Variants in LTBP1 observed in about 807,000 individuals in gnomAD.
The protein encoded by LTBP1 is latent-transforming growth factor beta-binding protein 1.
In LTBP1, 129 loss-of-function variants were observed where a neutral mutation model predicts 207.6. The ratio of observed to expected loss-of-function variants is 0.62; its 90% CI spans 0.54 to 0.72. The LOEUF (loss-of-function observed/expected upper bound fraction) is 0.72. Among genes scored for constraint, LTBP1 ranks in the 30% least tolerant of loss-of-function variants. The pLI, the probability that LTBP1 is intolerant of heterozygous loss-of-function variation, is 0.00. For synonymous variants in LTBP1, 963 were observed against 833.7 expected (o/e 1.16, Z -2.67); for missense variants, 2,281 against 2,217.2 (o/e 1.03, Z -0.58).
At chr2:33,258,301 G>A (rs577240336) in intron 12 of LTBP1, among the ~76,000 whole-genome samples, 17 of 152,318 alleles carry the variant, frequency 1.1e-4, no homozygotes, top group South Asian at 1.0e-3. Flanking sequence ...TGGAATAGAC[G>A]TATTTTCTCT....
At chr2:33,233,871 T>A (rs1478125672) in intron 9 of LTBP1, among the ~76,000 whole-genome samples, 1 of 152,104 alleles carries the variant, frequency 6.6e-6, no homozygotes, top group Non-Finnish European at 1.5e-5. Flanking sequence ...TTTATTTGTT[T>A]ATGTTAACTT....
At chr2:32,956,481 T>C (rs1006996756) in intron 2 of LTBP1, among the ~76,000 whole-genome samples, 3 of 152,198 alleles carry the variant, frequency 2.0e-5, no homozygotes, top group Admixed American at 6.5e-5. Flanking sequence ...CAGCTCCTCA[T>C]CTCTTCAAGT....
At chr2:33,375,628 C>T (rs1184054240) in intron 31 of LTBP1, among the ~76,000 whole-genome samples, 3 of 152,010 alleles carry the variant, frequency 2.0e-5, no homozygotes, top group Admixed American at 1.3e-4. Flanking sequence ...CCCAGGTTCA[C>T]GCCATTCTCC....
intron 4 of LTBP1, among the ~76,000 whole-genome samples, chr2:33,122,751 A>G (rs141212828): frequency 4.9e-4 from 75 of 152,252 alleles, no homozygotes; most frequent in African/African-American, 1.8e-3. Flanking sequence ...GTGGATTCTG[A>G]ACATCTTTTC....
At chr2:33,212,796 A>G (rs1217538672) in intron 7 of LTBP1, among the ~76,000 whole-genome samples, 1 of 152,240 alleles carries the variant, frequency 6.6e-6, no homozygotes, top group African/African-American at 2.4e-5. Context: ...GAGTACCAAC[A>G]TAACACTCCA....
chr2:33,039,242 G>T (rs933819849), intron 3 of LTBP1, among the ~76,000 whole-genome samples: 1 of 151,972 alleles, frequency 6.6e-6, no homozygotes, highest in African/African-American at 2.4e-5. Flanking sequence ...GTAATTTAGG[G>T]GTAGGAAAGG....
At chr2:33,365,024 G>C (rs138474481) in intron 30 of LTBP1, among the ~76,000 whole-genome samples, 1 of 152,158 alleles carries the variant, frequency 6.6e-6, no homozygotes, top group Non-Finnish European at 1.5e-5. Context: ...GTGAAGATTA[G>C]GAGAGTGAGA....
chr2:33,100,120 G>C (rs1440430863), intron 3 of LTBP1, among the ~76,000 whole-genome samples: 1 of 152,174 alleles, frequency 6.6e-6, no homozygotes, highest in Non-Finnish European at 1.5e-5. Flanking sequence ...CTGACATCTG[G>C]CAAACTGGAT....
At chr2:33,117,190 C>G (rs1039062712) in intron 4 of LTBP1, among the ~76,000 whole-genome samples, 2 of 152,178 alleles carry the variant, frequency 1.3e-5, no homozygotes, top group Non-Finnish European at 2.9e-5. Flanking sequence ...CCAGTTCTGG[C>G]CTGATCGCAG....
chr2:33,306,204 A>G (rs1165924394), intron 22 of LTBP1, among the ~76,000 whole-genome samples: 1 of 152,246 alleles, frequency 6.6e-6, no homozygotes, highest in Non-Finnish European at 1.5e-5. Context: ...ACTTTAAATA[A>G]TGCTCTTTTC....
At chr2:33,077,127 G>A (rs895356064) in intron 3 of LTBP1, among the ~76,000 whole-genome samples, 1 of 152,096 alleles carries the variant, frequency 6.6e-6, no homozygotes, top group African/African-American at 2.4e-5. Flanking sequence ...AGGGCCACAC[G>A]GCTATGGAGA....
At chr2:32,973,804 G>A (rs1439486284) in intron 2 of LTBP1, among the ~76,000 whole-genome samples, 2 of 151,976 alleles carry the variant, frequency 1.3e-5, no homozygotes, top group Non-Finnish European at 2.9e-5. Flanking sequence ...GAGTTCAATT[G>A]TTTTAATTTT....
chr2:33,256,724 C>A (rs924550320), intron 11 of LTBP1, among the ~76,000 whole-genome samples: 6 of 68,840 alleles, frequency 8.7e-5, no homozygotes, highest in East Asian at 5.5e-4. Flanking sequence ...GGAGGGCTAA[C>A]TATATATATA....
intron 24 of LTBP1, chr2:33,332,958 G>T (rs970538733): frequency 6.6e-6 from 1 of 152,112 alleles, no homozygotes; most frequent in Non-Finnish European, 1.5e-5. Flanking sequence ...GAGCAGGGTC[G>T]GGCCTCATTA....
intron 4 of LTBP1, among the ~76,000 whole-genome samples, chr2:33,121,991 A>T (rs2150399620): frequency 6.6e-6 from 1 of 152,194 alleles, no homozygotes; most frequent in South Asian, 2.1e-4. Context: ...AAATCGTATA[A>T]TATATGCATA....
intron 5 of LTBP1, among the ~76,000 whole-genome samples, chr2:33,138,059 A>C (rs2082285187): frequency 6.6e-6 from 1 of 152,064 alleles, no homozygotes; most frequent in Non-Finnish European, 1.5e-5. Context: ...CACCTCCTCC[A>C]CACAGTGCAG....
At chr2:33,116,172 G>A (rs139409532) in intron 4 of LTBP1, among the ~76,000 whole-genome samples, 23 of 152,310 alleles carry the variant, frequency 1.5e-4, no homozygotes, top group African/African-American at 5.1e-4. Context: ...AAAGATTAGC[G>A]AAGCTCCAAT....
chr2:32,972,756 C>A (rs1681105796), intron 2 of LTBP1, among the ~76,000 whole-genome samples: 1 of 152,142 alleles, frequency 6.6e-6, no homozygotes, highest in Admixed American at 6.5e-5. Flanking sequence ...GCAGTTTCCC[C>A]TGCACACTTT....
intron 15 of LTBP1, 148 bp from the exon 16 acceptor site, chr2:33,273,508 T>G: frequency 1.9e-6 from 1 of 521,610 alleles, no homozygotes; most frequent in Non-Finnish European, 3.3e-6. Context: ...AATTTATACT[T>G]GATGTCAGAG....
Sources: allele counts gnomAD v4.1 joint callset (sites outside exome capture counted in the v4.1 genomes callset), GRCh38; gene constraint gnomAD v4.1.1; transcripts MANE v1.5; gene names NCBI Gene and HGNC (gene_info 2026-07-23, HGNC 2026-07-21).